FAM98B: variants seen among roughly 807,000 people sequenced by gnomAD.
FAM98B encodes tRNA splicing ligase complex subunit 3B.
A neutral mutation model predicts 43.9 loss-of-function variants in FAM98B; 32 were observed. The ratio of observed to expected loss-of-function variants is 0.73; its 90% CI spans 0.55 to 0.98. The LOEUF (loss-of-function observed/expected upper bound fraction) is 0.98. FAM98B is among the 50% of genes least tolerant of loss of function. FAM98B has a pLI of 0.00. For synonymous variants in FAM98B, 190 were observed against 174.0 expected, an observed-to-expected ratio of 1.09 and a Z score of -0.72; for missense variants, 514 against 522.9, an observed-to-expected ratio of 0.98 and a Z score of 0.17.
At position 38,454,201 on chromosome 15, in the gene FAM98B, G is replaced by A. The variant is rs1258033398; in HGVS notation, c.40G>A (p.Gly14Arg). ...PEPGPQPTME[G>R]DVLDTLEALG... ...GCCGGGTCCCCAACCGACGATGGAG[G>A]GAGACGTGCTGGACACACTGGAGGC... The change falls in exon 1 of 8, where the codon GGA becomes AGA. Residue 14 changes from glycine (G) to arginine (R), a missense_variant. Gly to Arg is a moderately radical substitution (Grantham distance 125). This residue lies in a region of FAM98B where 469 missense variants were observed against 451.8 expected (regional missense o/e 1.04). Transcript: ENST00000397609. 1 of 1,604,318 alleles carries A rather than the reference G, an allele frequency of 6.2e-7. No individual in the cohort carries two copies. The highest frequency in any genetic ancestry group is 8.5e-7 in the Non-Finnish European group (1 of 1,176,688).
chr15:38,459,558 G>C (rs1195016919), intron 1 of FAM98B: 1 of 244,806 alleles, frequency 4.1e-6, no homozygotes, highest in East Asian at 1.4e-4. Context: ...CACAGGTGCG[G>C]GCTGGTTGGG....
rs1890368731 is a variant in FAM98B, at chr15:38,486,199, T to G, written c.*1540T>G. ...TGTTCAAGGTAGGAAAATATAAAAT[T>G]TTTTGGTTATTTGTAAATTTATTTT... On this transcript the variant is annotated 3_prime_UTR_variant, in exon 8 of 8. Transcript: ENST00000397609. The G allele has an allele frequency of 6.6e-6, 1 of 152,124 alleles. No homozygotes were observed. The highest frequency in any genetic ancestry group is 1.5e-5 in the Non-Finnish European group (1 of 68,014). 9.4% of individuals were successfully genotyped at this position (152,124 alleles called of 1,614,324 possible).
Position 38,484,954 on chromosome 15 carries a change from G to T in FAM98B, c.*295G>T. 2 of 286,386 alleles carry T rather than the reference G, an allele frequency of 7.0e-6. 1 individual carries two copies. The highest frequency in any genetic ancestry group is 1.5e-4 in the South Asian group (2 of 13,722). 17.7% of individuals were successfully genotyped at this position (286,386 alleles called of 1,614,324 possible). ...AAAATGTAAATATTTATTACCATCA[G>T]ACTTGGAAAATGGAAAGTATTTTAT... is the stretch of plus-strand genomic sequence containing the variant. On this transcript the variant is annotated 3_prime_UTR_variant, in exon 8 of 8. Transcript: ENST00000397609.
At chr15:38,480,190 G>C (rs1890262302) in intron 6 of FAM98B, among the ~76,000 whole-genome samples, 1 of 152,068 alleles carries the variant, frequency 6.6e-6, no homozygotes, top group Non-Finnish European at 1.5e-5. Context: ...TTTTTAAATT[G>C]AAAATTAAAC....
chr15:38,472,541 G>GTA (rs989221603), intron 4 of FAM98B, among the ~76,000 whole-genome samples: 23 of 151,750 alleles, frequency 1.5e-4, no homozygotes, highest in Admixed American at 2.6e-4. Flanking sequence ...CCCATTTTAA[G>GTA]TATATATATA....
chr15:38,467,861 T>A (rs751603985), intron 3 of FAM98B, among the ~76,000 whole-genome samples: 34 of 152,210 alleles, frequency 2.2e-4, no homozygotes, highest in Non-Finnish European at 4.4e-4. Context: ...GAATGATCTC[T>A]AAGATATGTT....
chr15:38,465,392 T>A lies in FAM98B; in HGVS notation c.341T>A (p.Leu114Ter), dbSNP rs1555397526. Residue 114 changes from leucine (L) to a stop codon, truncating the protein, a stop_gained, in exon 3 of 8, where the codon TTG (leucine) becomes TAG (stop). Coordinates refer to ENST00000397609, the MANE Select transcript of FAM98B (RefSeq NM_173611.4). LOFTEE classifies it high-confidence loss of function. ...CGTTTAAAAAAGAAGGAGGACTGTT[T>A]GAAACTTCTATGTAAGTTATCTTGA... ...KDRLKKKEDC[L>*]KLLLFLSTEL... The A allele has an allele frequency of 6.3e-7, 1 of 1,593,048 alleles. No homozygotes were observed. Among genetic ancestry groups the A allele is most frequent in the Non-Finnish European group, 8.5e-7 (1 of 1,171,494 alleles).
chr15:38,454,186 C>T lies in FAM98B; in HGVS notation c.25C>T (p.Gln9Ter). 1 of 1,603,072 alleles carries T rather than the reference C, an allele frequency of 6.2e-7. No individual in the cohort carries two copies. Among genetic ancestry groups the T allele is most frequent in the Non-Finnish European group, 8.5e-7 (1 of 1,176,144 alleles). ...CATGAGAGGGCCGGAGCCGGGTCCC[C>T]AACCGACGATGGAGGGAGACGTGCT... MRGPEPGP[Q>*]PTMEGDVLDT... Residue 9 changes from glutamine to a stop codon, truncating the protein, a stop_gained, in exon 1 of 8, where the codon CAA becomes TAA. Transcript: ENST00000397609. LOFTEE classifies it high-confidence loss of function.
chr15:38,474,415 GC>G, intron 6 of FAM98B, 117 bp downstream of exon 6: 1 of 615,026 alleles, frequency 1.6e-6, no homozygotes, highest in Non-Finnish European at 2.9e-6. Flanking sequence ...TCAACTACAT[GC>G]CCAGGCCAAC....
chr15:38,465,368 G>T lies in FAM98B; in HGVS notation c.317G>T (p.Arg106Leu). The T allele has an allele frequency of 6.2e-7, 1 of 1,602,558 alleles. No homozygotes were observed. Residue 106 changes from arginine to leucine, a missense_variant, in exon 3 of 8, where the codon CGT (arginine) becomes CTT (leucine). This residue lies in a region of FAM98B where 469 missense variants were observed against 451.8 expected (regional missense o/e 1.04). Coordinates refer to ENST00000397609, the MANE Select transcript of FAM98B (RefSeq NM_173611.4). ...SVLISGDIKD[R>L]LKKKEDCLKL... ...CTCATATCAGGAGATATTAAAGATC[G>T]TTTAAAAAAGAAGGAGGACTGTTTG...
At chr15:38,463,329 A>G (rs1237177016) in intron 1 of FAM98B, among the ~76,000 whole-genome samples, 1 of 151,876 alleles carries the variant, frequency 6.6e-6, no homozygotes, top group Non-Finnish European at 1.5e-5. Flanking sequence ...CCTTTCTACT[A>G]AAAATACAAA....
At chr15:38,477,029 T>TG (rs1351561501) in intron 6 of FAM98B, among the ~76,000 whole-genome samples, 2 of 151,932 alleles carry the variant, frequency 1.3e-5, no homozygotes, top group Non-Finnish European at 2.9e-5. Flanking sequence ...GCAGGTGCTG[T>TG]GCTCACACCT....
chr15:38,472,636 A>G (rs1002832114), intron 4 of FAM98B, among the ~76,000 whole-genome samples: 11 of 152,086 alleles, frequency 7.2e-5, no homozygotes, highest in African/African-American at 2.7e-4. Flanking sequence ...CACCCTCAGA[A>G]GAAACCTCAA....
intron 1 of FAM98B, among the ~76,000 whole-genome samples, chr15:38,461,569 T>G (rs955102658): frequency 9.2e-5 from 14 of 152,228 alleles, no homozygotes; most frequent in African/African-American, 3.4e-4. Context: ...CCTAGCACTG[T>G]GCCTGGCCTG....
chr15:38,456,442 G>A (rs1889850666), intron 1 of FAM98B, among the ~76,000 whole-genome samples: 1 of 152,202 alleles, frequency 6.6e-6, no homozygotes, highest in African/African-American at 2.4e-5. Context: ...ACACTACTAT[G>A]GAGAGAAGTT....
intron 4 of FAM98B, 183 bp downstream of exon 4, chr15:38,470,588 A>G (rs1332672274): frequency 2.9e-5 from 13 of 441,072 alleles, no homozygotes; most frequent in Non-Finnish European, 4.3e-5. Flanking sequence ...TCAGTAGCTG[A>G]TATTCAGGAA....
chr15:38,464,173 T>G lies in FAM98B; in HGVS notation c.213T>G (p.Ser71=). The G allele has an allele frequency of 1.2e-6, 2 of 1,611,570 alleles. No homozygotes were observed. Among genetic ancestry groups the G allele is most frequent in the Non-Finnish European group, 1.7e-6 (2 of 1,178,748 alleles). Residue 71 remains serine, a synonymous_variant, in exon 2 of 8, where the codon TCT becomes TCG. Transcript: ENST00000397609. ...SLCNLEESIT[S]AGRDDLESFQ... ...GCAACTTGGAAGAAAGTATCACGTC[T>G]GCTGGTATTGCCATTATGTTGTATT...
chr15:38,484,416 G>C lies in FAM98B; in HGVS notation c.1059G>C (p.Gly353=). 1 of 757,200 alleles carries C rather than the reference G, an allele frequency of 1.3e-6. No individual in the cohort carries two copies. The highest frequency in any genetic ancestry group is 1.6e-6 in the Non-Finnish European group (1 of 631,010). The allele number at this position is 757,200 out of a possible 1,614,324, so 46.9% of individuals were successfully genotyped here. ...GTGGTAGAGGAGGTGGTGGGGGTGGGGGTGGGAGAGGTGGCTGGGGGGGTG... is the reference window on the plus strand; with the variant it reads ...GTGGTAGAGGAGGTGGTGGGGGTGGCGGTGGGAGAGGTGGCTGGGGGGGTG... ...GGGGRGGGGG[G]GGRGGWGGGG... The change falls in exon 8 of 8, where the codon GGG becomes GGC. Residue 353 remains glycine (G), a synonymous_variant. Transcript: ENST00000397609.
At chr15:38,481,062 A>G (rs991854875) in intron 6 of FAM98B, among the ~76,000 whole-genome samples, 1 of 151,910 alleles carries the variant, frequency 6.6e-6, no homozygotes, top group Non-Finnish European at 1.5e-5. Context: ...TTTTTTTGTT[A>G]TTATTTTTTA....
Sources: allele counts gnomAD v4.1 joint callset (sites outside exome capture counted in the v4.1 genomes callset), GRCh38; gene constraint gnomAD v4.1.1; regional missense constraint gnomAD v4.1.1; transcripts MANE v1.5; gene names NCBI Gene and HGNC (gene_info 2026-07-23, HGNC 2026-07-21).